ZGRF1: variants seen among roughly 807,000 people sequenced by gnomAD.
ZGRF1 encodes zinc finger GRF-type containing 1.
A neutral mutation model predicts 203.5 loss-of-function variants in ZGRF1; 196 were observed. The ratio of observed to expected loss-of-function variants is 0.96; its 90% CI spans 0.86 to 1.08. The LOEUF (loss-of-function observed/expected upper bound fraction) is 1.08, where lower values mean the gene tolerates loss of function less well. Ranked by LOEUF, ZGRF1 falls within the 50% of genes least tolerant of loss-of-function variation. ZGRF1 has a pLI of 0.00. For synonymous variants in ZGRF1, 809 were observed against 841.3 expected (o/e 0.96, Z 0.66); for missense variants, 2,326 against 2,416.3 (o/e 0.96, Z 0.78).
chr4:112,589,514 CAAG>C, intron 11 of ZGRF1: 1 of 542,682 alleles, frequency 1.8e-6, no homozygotes, highest in East Asian at 2.8e-5. Flanking sequence ...GGAGGAGAAA[CAAG>C]AAGGAACTAG....
rs1262528369 is a variant in ZGRF1, at chr4:112,617,967, G to A, written c.2075C>T (p.Pro692Leu). The change falls in exon 6 of 28, where the codon CCT (proline) becomes CTT (leucine). Residue 692 changes from proline (P) to leucine (L), a missense_variant. Coordinates refer to ENST00000505019, the MANE Select transcript of ZGRF1 (RefSeq NM_018392.5). ...TTCAGCAATCTGGTTTTGAATATGA[G>A]GAATATGTAAATTCATGTTTATACC... ...SKGINMNLHIPHIQNQIAENS... is the reference protein window; with the variant it reads ...SKGINMNLHILHIQNQIAENS... The A allele has an allele frequency of 6.2e-7, 1 of 1,612,922 alleles. No individual in the cohort carries two copies. Among genetic ancestry groups the A allele is most frequent in the South Asian group, 1.1e-5 (1 of 91,034 alleles).
rs770238851 is a variant in ZGRF1 at position 112,619,528 on chromosome 4, T to G, written c.514A>C (p.Ile172Leu). ...PTVGKKDVNN[I>L]LADPENIVTY... ...ACAATGTTCTCAGGGTCTGCCAGTA[T>G]ATTATTTACATCTTTCTTGCCAACA... The change falls in exon 6 of 28, where the codon ATA becomes CTA. Residue 172 changes from isoleucine to leucine, a missense_variant. By Grantham distance (5) the Ile-to-Leu change is conservative. Coordinates refer to ENST00000505019, the MANE Select transcript of ZGRF1 (RefSeq NM_018392.5). 1 of 1,613,974 alleles carries G rather than the reference T, an allele frequency of 6.2e-7. No individual in the cohort carries two copies. Among genetic ancestry groups the G allele is most frequent in the African/African-American group, 1.3e-5 (1 of 74,928 alleles).
chr4:112,543,933 C>T (rs2148817622), intron 24 of ZGRF1, among the ~76,000 whole-genome samples: 1 of 152,064 alleles, frequency 6.6e-6, no homozygotes, highest in South Asian at 2.1e-4. Flanking sequence ...AGTGATCCTC[C>T]CACCTCAGTC....
intron 7 of ZGRF1, 60 bp from the exon 8 acceptor site, chr4:112,609,489 A>G: frequency 1.1e-6 from 1 of 944,348 alleles, no homozygotes; most frequent in Non-Finnish European, 1.6e-6. Flanking sequence ...TAGAAAACAA[A>G]AATATAAATT....
intron 16 of ZGRF1, among the ~76,000 whole-genome samples, chr4:112,579,645 C>A (rs1170236486): frequency 8.3e-6 from 1 of 120,486 alleles, no homozygotes; most frequent in Non-Finnish European, 1.8e-5. Flanking sequence ...AACAGAGAGC[C>A]AAATCATGAG....
rs936352947 is a variant in ZGRF1, at chr4:112,631,832, G to T, written c.102+98C>A. ...TGTTTTCACATCATTTCAGTGTATGGATATATCTGACATTTTATCATGTAC... is the reference window on the plus strand; with the variant it reads ...TGTTTTCACATCATTTCAGTGTATGTATATATCTGACATTTTATCATGTAC... On this transcript the variant is annotated intron_variant, in intron 3 of 27. Coordinates refer to ENST00000505019, the MANE Select transcript of ZGRF1 (RefSeq NM_018392.5). 26 of 552,578 alleles carry T rather than the reference G, an allele frequency of 4.7e-5. No homozygotes were observed. In the Admixed American group the frequency reaches 6.9e-4, roughly 15 times the overall value. 34.2% of individuals were successfully genotyped at this position (552,578 alleles called of 1,614,324 possible). A position where few individuals can be genotyped will look rare whatever the true frequency, so the allele number is the denominator to read the frequency against.
intron 2 of ZGRF1, among the ~76,000 whole-genome samples, chr4:112,632,211 A>G (rs2047434314): frequency 6.6e-6 from 1 of 152,154 alleles, no homozygotes. Context: ...ATTAAATGAA[A>G]TAAATAAGGG....
intron 14 of ZGRF1, 43 bp from the exon 15 acceptor site, chr4:112,584,217 C>T (rs1184130419): frequency 2.2e-6 from 3 of 1,382,588 alleles, no homozygotes; most frequent in Non-Finnish European, 2.9e-6. Context: ...GAAAAAAATG[C>T]TTTTATTTTT....
chr4:112,571,477 C>T (rs548154274), intron 16 of ZGRF1, among the ~76,000 whole-genome samples: 28 of 151,904 alleles, frequency 1.8e-4, no homozygotes, highest in African/African-American at 6.3e-4. Context: ...GGGAAATTTG[C>T]AAAACTTTAT....
At chr4:112,606,130 A>C in intron 8 of ZGRF1, 39 bp from the exon 9 acceptor site, 1 of 1,219,402 alleles carries the variant, frequency 8.2e-7, no homozygotes, top group South Asian at 1.3e-5. Flanking sequence ...GTTAGCTAGA[A>C]TAGTTTCACA....
rs1748896301 is a variant in ZGRF1, at chr4:112,595,764, A to T, written c.2977-5890T>A. ...TGAACTGGTTGAAATAGTAAATTTTATGATATATGGTTTTCACCACAATAA... is the reference window on the plus strand; with the variant it reads ...TGAACTGGTTGAAATAGTAAATTTTTTGATATATGGTTTTCACCACAATAA... On this transcript the variant is annotated intron_variant, in intron 10 of 27. Transcript: ENST00000505019. Among the ~76,000 whole-genome samples the T allele has an allele frequency of 3.3e-5, 5 of 152,356 alleles. No homozygotes were observed. In the South Asian group the frequency reaches 1.0e-3, roughly 32 times the overall value.
At chr4:112,595,204 T>G (rs888671960) in intron 10 of ZGRF1, among the ~76,000 whole-genome samples, 7 of 152,244 alleles carry the variant, frequency 4.6e-5, no homozygotes, top group African/African-American at 1.7e-4. Context: ...GACATAGTTG[T>G]CATTGCCTGT....
chr4:112,588,031 T>A, intron 11 of ZGRF1, 102 bp from the exon 12 acceptor site: 2 of 651,706 alleles, frequency 3.1e-6, no homozygotes, highest in Non-Finnish European at 2.4e-6. Context: ...AGCAACTTGC[T>A]CTGAAAAAAA....
At position 112,619,053 on chromosome 4, in the gene ZGRF1, T is replaced by C. The variant is rs2046980112; in HGVS notation, c.989A>G (p.Tyr330Cys). 3 of 1,613,940 alleles carry C rather than the reference T, an allele frequency of 1.9e-6. No homozygotes were observed. Among genetic ancestry groups the C allele is most frequent in the Admixed American group, 3.3e-5 (2 of 59,988 alleles). The change falls in exon 6 of 28, where the codon TAT (tyrosine) becomes TGT (cysteine). Residue 330 changes from tyrosine to cysteine, a missense_variant. Coordinates refer to ENST00000505019, the MANE Select transcript of ZGRF1 (RefSeq NM_018392.5). ...TMRNKSRWAM[Y>C]LSSQSSPIHS... ...TATAGGTGAACTCTGTGAGGATAAA[T>C]ACATGGCCCACCGGCTTTTATTTCT...
chr4:112,546,157 A>C (rs1738728110), intron 24 of ZGRF1, among the ~76,000 whole-genome samples: 1 of 151,958 alleles, frequency 6.6e-6, no homozygotes, highest in Admixed American at 6.6e-5. Flanking sequence ...CAGACACAAA[A>C]GGTACATATT....
intron 3 of ZGRF1, among the ~76,000 whole-genome samples, chr4:112,624,366 G>A (rs775676995): frequency 3.3e-5 from 5 of 152,000 alleles, no homozygotes; most frequent in Non-Finnish European, 5.9e-5. Context: ...GCTGAGGCAG[G>A]AGAATTGCTT....
chr4:112,585,782 TC>T, intron 13 of ZGRF1, 57 bp from the exon 14 acceptor site: 1 of 1,327,530 alleles, frequency 7.5e-7, no homozygotes, highest in Non-Finnish European at 1.0e-6. Flanking sequence ...TTTGTTTGTA[TC>T]ACATATGTGC....
At position 112,583,754 on chromosome 4, in the gene ZGRF1, A is replaced by C. The variant is rs1746679505; in HGVS notation, c.4298+224T>G. Among the ~76,000 whole-genome samples, 2 of 152,024 alleles carry C rather than the reference A, an allele frequency of 1.3e-5. 1 individual carries two copies. Among genetic ancestry groups the C allele is most frequent in the South Asian group, 4.1e-4 (2 of 4,820 alleles). ...AGGAGTTGAAGGTTGCAGTGAGCTA[A>C]GGATCACACCACTGCACTCCAGCCT... is the stretch of plus-strand genomic sequence containing the variant. On this transcript the variant is annotated intron_variant, in intron 15 of 27. Transcript: ENST00000505019.
chr4:112,572,174 A>G (rs1294185515), intron 16 of ZGRF1, among the ~76,000 whole-genome samples: 1 of 152,360 alleles, frequency 6.6e-6, no homozygotes, highest in African/African-American at 2.4e-5. Context: ...ATAGCCACCA[A>G]AACAGCATGG....
Sources: gnomAD v4.1 joint callset for allele counts (sites outside exome capture counted in the v4.1 genomes callset) on GRCh38, gnomAD v4.1.1 for gene constraint, MANE v1.5 for transcripts, NCBI Gene and HGNC (gene_info 2026-07-23, HGNC 2026-07-21) for gene names.